ELMO1: variants seen among roughly 807,000 people sequenced by gnomAD.
ELMO1 encodes the protein engulfment and cell motility protein 1.
Under a neutral mutation model 98.9 loss-of-function variants are expected in ELMO1, and 26 were observed. That is an observed-to-expected ratio of 0.26 (90% CI 0.19 to 0.36). The LOEUF is 0.36. Ranked by LOEUF, ELMO1 falls within the 10% of genes least tolerant of loss-of-function variation. The probability of loss-of-function intolerance (pLI) is 1.00; values close to 1 mark genes in which losing one functional copy is unlikely to be tolerated. For missense variants in ELMO1, 627 were observed against 935.2 expected (o/e 0.67, Z 4.30); for synonymous variants, 346 against 346.0 (o/e 1.00, Z 0.00).
intron 1 of ELMO1, among the ~76,000 whole-genome samples, chr7:37,419,304 G>A (rs1396104774): frequency 2.0e-5 from 3 of 152,308 alleles, no homozygotes; most frequent in African/African-American, 7.2e-5. Context: ...AGTACTTGGT[G>A]AACAGCAGAA....
chr7:37,104,951 C>T (rs1203842860), intron 14 of ELMO1, among the ~76,000 whole-genome samples: 8 of 151,796 alleles, frequency 5.3e-5, no homozygotes, highest in Admixed American at 5.2e-4. Flanking sequence ...AGGTGAAATG[C>T]TTCCAGAATA....
intron 6 of ELMO1, among the ~76,000 whole-genome samples, chr7:37,258,870 C>G (rs71539823): frequency 6.6e-6 from 1 of 151,838 alleles, no homozygotes; most frequent in African/African-American, 2.4e-5. Context: ...ATTGTTTTGT[C>G]GAGTTATACT....
rs549054881 is a variant in ELMO1, at chr7:37,021,604, C to T, written c.1301-8169G>A. Among the ~76,000 whole-genome samples, 3 of 151,976 alleles carry T rather than the reference C, an allele frequency of 2.0e-5. No individual in the cohort carries two copies. In the South Asian group the frequency reaches 6.2e-4, roughly 32 times the overall value. On this transcript the variant is annotated intron_variant, in intron 15 of 21. Coordinates refer to ENST00000310758, the MANE Select transcript of ELMO1 (RefSeq NM_014800.11). ...GGCCTGCATGCAAATGTTGACGTCACTATTTAATAGCAATGTGACCTTGAT... is the reference window on the plus strand; with the variant it reads ...GGCCTGCATGCAAATGTTGACGTCATTATTTAATAGCAATGTGACCTTGAT...
At chr7:37,139,337 A>G (rs181412462) in intron 13 of ELMO1, among the ~76,000 whole-genome samples, 70 of 152,360 alleles carry the variant, frequency 4.6e-4, no homozygotes, top group African/African-American at 1.6e-3. Context: ...GACTTATCCA[A>G]TAAGCTCCTA....
At chr7:37,171,557 A>G (rs992102874) in intron 13 of ELMO1, among the ~76,000 whole-genome samples, 1 of 130,932 alleles carries the variant, frequency 7.6e-6, no homozygotes, top group Non-Finnish European at 1.5e-5. Flanking sequence ...CAGTGGCACA[A>G]TCTCGGCTCA....
intron 1 of ELMO1, among the ~76,000 whole-genome samples, chr7:37,398,678 G>A (rs1294685899): frequency 2.6e-5 from 4 of 152,230 alleles, no homozygotes; most frequent in East Asian, 3.9e-4. Flanking sequence ...TGCTGCTATC[G>A]TCTCATCCTA....
chr7:36,968,321 G>A (rs994038611), intron 16 of ELMO1, among the ~76,000 whole-genome samples: 25 of 152,134 alleles, frequency 1.6e-4, no homozygotes, highest in African/African-American at 5.3e-4. Flanking sequence ...GGAATAGAAG[G>A]ATAAATATCA....
intron 13 of ELMO1, among the ~76,000 whole-genome samples, chr7:37,171,112 A>G (rs1398753657): frequency 6.6e-6 from 1 of 152,204 alleles, no homozygotes; most frequent in Non-Finnish European, 1.5e-5. Flanking sequence ...TTCAGGAGTA[A>G]AACTTACCTG....
intron 13 of ELMO1, among the ~76,000 whole-genome samples, chr7:37,193,308 G>A (rs916777235): frequency 1.3e-5 from 2 of 152,152 alleles, no homozygotes; most frequent in Admixed American, 1.3e-4. Flanking sequence ...AACCCGCACA[G>A]TGATTGTATC....
chr7:37,282,455 G>T (rs1252064727), intron 4 of ELMO1, among the ~76,000 whole-genome samples: 1 of 152,210 alleles, frequency 6.6e-6, no homozygotes, highest in Non-Finnish European at 1.5e-5. Context: ...CCAACTGTGT[G>T]TCCATTTTTT....
intron 7 of ELMO1, 140 bp from the exon 8 acceptor site, chr7:37,233,334 T>G (rs916830982): frequency 1.5e-6 from 1 of 681,238 alleles, no homozygotes; most frequent in Non-Finnish European, 2.4e-6. Context: ...GGTGACTTCT[T>G]CACTAACATG....
At chr7:37,166,512 T>C (rs146207246) in intron 13 of ELMO1, among the ~76,000 whole-genome samples, 5,933 of 152,186 alleles carry the variant, frequency 0.039, 400 homozygotes, top group African/African-American at 0.14. Flanking sequence ...GCTTTGAATG[T>C]GTCCCAGAGA....
intron 13 of ELMO1, among the ~76,000 whole-genome samples, chr7:37,150,260 A>G (rs1340795542): frequency 1.4e-5 from 2 of 139,930 alleles, no homozygotes; most frequent in South Asian, 4.9e-4. Context: ...CTTTTTTACA[A>G]CAGGCTATGC....
intron 17 of ELMO1, among the ~76,000 whole-genome samples, chr7:36,889,868 AG>A (rs1348135829): frequency 6.6e-6 from 1 of 152,206 alleles, no homozygotes; most frequent in Non-Finnish European, 1.5e-5. Flanking sequence ...CAGGCAATGA[AG>A]GAAATGAGAC....
At chr7:37,166,886 A>G (rs1183516734) in intron 13 of ELMO1, among the ~76,000 whole-genome samples, 1 of 152,026 alleles carries the variant, frequency 6.6e-6, no homozygotes, top group Non-Finnish European at 1.5e-5. Flanking sequence ...CAATTCCTGG[A>G]TATCCTTGTT....
At chr7:37,439,350 C>G (rs966196974) in intron 1 of ELMO1, among the ~76,000 whole-genome samples, 28 of 152,232 alleles carry the variant, frequency 1.8e-4, no homozygotes, top group Admixed American at 1.4e-3. Flanking sequence ...TATTCTTTCT[C>G]TTAATACTCA....
At chr7:37,085,210 C>T (rs1377515555) in intron 15 of ELMO1, among the ~76,000 whole-genome samples, 1 of 152,218 alleles carries the variant, frequency 6.6e-6, no homozygotes, top group Non-Finnish European at 1.5e-5. Context: ...CTAGAGCTTT[C>T]TGTCCTCAAG....
At chr7:37,441,164 G>A (rs941496860) in intron 1 of ELMO1, among the ~76,000 whole-genome samples, 2 of 151,082 alleles carry the variant, frequency 1.3e-5, no homozygotes, top group East Asian at 3.9e-4. Context: ...AAGACACAAA[G>A]GGCGGAAGGA....
chr7:37,402,741 G>T (rs1489886565), intron 1 of ELMO1, among the ~76,000 whole-genome samples: 1 of 152,118 alleles, frequency 6.6e-6, no homozygotes, highest in Non-Finnish European at 1.5e-5. Flanking sequence ...CACTTCTCTG[G>T]ATATTTCAGA....
Sources: gnomAD v4.1 joint callset for allele counts (sites outside exome capture counted in the v4.1 genomes callset) on GRCh38, gnomAD v4.1.1 for gene constraint, MANE v1.5 for transcripts, NCBI Gene and HGNC (gene_info 2026-07-23, HGNC 2026-07-21) for gene names.